The following CRMP1 variants were observed in gnomAD, a reference collection of about 807,000 sequenced individuals.
CRMP1 encodes the protein dihydropyrimidinase-related protein 1.
CRMP1 carries 19 observed loss-of-function variants against 68.3 expected under a neutral mutation model. The observed-to-expected ratio is 0.28, with a 90% CI of 0.19 to 0.41. The LOEUF is 0.41. Among genes scored for constraint, CRMP1 ranks in the 10% least tolerant of loss-of-function variants. CRMP1 has a pLI of 1.00. For missense variants in CRMP1, 791 were observed against 967.4 expected, an observed-to-expected ratio of 0.82 and a Z score of 2.42; for synonymous variants, 439 against 399.6, an observed-to-expected ratio of 1.10 and a Z score of -1.18.
At position 5,842,987 on chromosome 4, in the gene CRMP1, C is replaced by T. The variant is rs999721781; in HGVS notation, c.1032+106G>A. 9.4e-7 allele frequency: 1 copy of T among 1,061,512 alleles called. No individual in the cohort carries two copies. Among genetic ancestry groups the T allele is most frequent in the Admixed American group, 1.8e-5 (1 of 56,018 alleles). The allele number at this position is 1,061,512 out of a possible 1,614,324, so 65.8% of individuals were successfully genotyped here. On this transcript the variant is annotated intron_variant, in intron 7 of 13. Transcript: ENST00000324989. This position sits in a 1 kb window ranked among gnomAD's most constrained non-coding sequence, Gnocchi z 4.5. ...TGGTTTGGGATGGTCTGGGAGAGGA[C>T]ACGGGAAGAGGCCGGGTCCTGGCTG...
rs140408470 is a variant in CRMP1 at position 5,856,912 on chromosome 4, T to TCAC, written c.656-608_656-606dup. 5.6e-4 allele frequency among the ~76,000 whole-genome samples: 5 copies of TCAC among 8,898 alleles called. No homozygotes were observed. The Admixed American group carries it at 6.8e-3, about 12-fold the overall frequency. 5.8% of individuals were successfully genotyped at this position (8,898 alleles called of 152,430 possible). On this transcript the variant is annotated intron_variant, in intron 3 of 13. Transcript: ENST00000324989. The stretch of plus-strand genomic sequence containing the variant: ...ACCATCATCATCATTACTAACATTA[T>TCAC]CACCACCACCACCACCATCACCACC...
chr4:5,892,847 G>GGGT lies in CRMP1; in HGVS notation c.122_123insACC (p.Gly41_Ala42insPro). On this transcript the variant is annotated inframe_insertion, in exon 1 of 14. Coordinates refer to ENST00000324989, the MANE Select transcript of CRMP1 (RefSeq NM_001014809.3). The surrounding 1 kb of genome is among the most constrained non-coding windows in gnomAD (Gnocchi z 8.6). ...AGTCGATGGTCTTGTTCTCGTAGGC[G>GGGT]CCCTCCACCGCGGCGAACATGCCGC... is the stretch of plus-strand genomic sequence containing the variant. 7.1e-7 allele frequency: 1 copy of GGGT among 1,415,780 alleles called. No individual in the cohort carries two copies. The highest frequency in any genetic ancestry group is 9.3e-7 in the Non-Finnish European group (1 of 1,073,776). The allele number at this position is 1,415,780 out of a possible 1,614,324, so 87.7% of individuals were successfully genotyped here.
Position 5,859,248 on chromosome 4 carries a change from T to G in CRMP1, c.655+1778A>C, listed in dbSNP as rs1017728322. Among the ~76,000 whole-genome samples the G allele has an allele frequency of 1.8e-4, 28 of 152,198 alleles. No homozygotes were observed. The highest frequency in any genetic ancestry group is 6.5e-4 in the African/African-American group (27 of 41,448). On this transcript the variant is annotated intron_variant, in intron 3 of 13. Coordinates refer to ENST00000324989, the MANE Select transcript of CRMP1 (RefSeq NM_001014809.3). This position sits in a 1 kb window ranked among gnomAD's most constrained non-coding sequence, Gnocchi z 5.2. ...CGGGGACCCTTTCAGAGCCCTGGACTGTTGTCCTCGTGTGCTTTCATAGGC... is the reference window on the plus strand; with the variant it reads ...CGGGGACCCTTTCAGAGCCCTGGACGGTTGTCCTCGTGTGCTTTCATAGGC...
intron 1 of CRMP1, among the ~76,000 whole-genome samples, chr4:5,880,228 AG>A (rs1050018640): frequency 1.3e-5 from 2 of 152,226 alleles, no homozygotes; most frequent in African/African-American, 4.8e-5. Context: ...TGGTGGGGGC[AG>A]GGGAGAAGCA....
chr4:5,846,776 TTTTTTTTTTTTTTTTTTTA>T (rs1712246786), intron 6 of CRMP1, among the ~76,000 whole-genome samples: 1 of 109,114 alleles, frequency 9.2e-6, no homozygotes. Context: ...TTTTTTTTTT[TTTTTTTTTTTTTTTTTTTA>T]GTAGAGGCAG....
At chr4:5,863,898 A>T (rs900027222) in intron 2 of CRMP1, among the ~76,000 whole-genome samples, 3 of 152,140 alleles carry the variant, frequency 2.0e-5, no homozygotes, top group Non-Finnish European at 4.4e-5. Context: ...CAGAATAAAC[A>T]CCCAAGGGCC....
Position 5,879,204 on chromosome 4 carries a change from C to T in CRMP1, c.382-12448G>A, listed in dbSNP as rs1257443052. On this transcript the variant is annotated intron_variant, in intron 1 of 13. Transcript: ENST00000324989. This position sits in a 1 kb window ranked among gnomAD's most constrained non-coding sequence, Gnocchi z 4.2. ...CCACCACATCTATCTACGCACACCACGCTCTGCCTCCCTAACTGCACCTTC... is the reference window on the plus strand; with the variant it reads ...CCACCACATCTATCTACGCACACCATGCTCTGCCTCCCTAACTGCACCTTC... Among the ~76,000 whole-genome samples the T allele has an allele frequency of 2.6e-5, 4 of 152,242 alleles. No individual in the cohort carries two copies. The highest frequency in any genetic ancestry group is 2.1e-4 in the South Asian group (1 of 4,830).
At chr4:5,857,056 C>A (rs1489946166) in intron 3 of CRMP1, among the ~76,000 whole-genome samples, 1 of 128,296 alleles carries the variant, frequency 7.8e-6, no homozygotes, top group Admixed American at 8.1e-5. Flanking sequence ...TCACCACTAT[C>A]ATTATCACCC....
At chr4:5,885,999 G>T (rs937830439) in intron 1 of CRMP1, among the ~76,000 whole-genome samples, 1 of 152,182 alleles carries the variant, frequency 6.6e-6, no homozygotes, top group Non-Finnish European at 1.5e-5. Context: ...GTCACAACAC[G>T]TGTATGTGTG....
chr4:5,863,767 G>C (rs1713767878), intron 2 of CRMP1, among the ~76,000 whole-genome samples: 1 of 152,154 alleles, frequency 6.6e-6, no homozygotes, highest in African/African-American at 2.4e-5. Context: ...TTGGCAAATG[G>C]CCACAGAATT....
intron 12 of CRMP1, among the ~76,000 whole-genome samples, chr4:5,827,163 G>T (rs953783434): frequency 6.6e-6 from 1 of 152,210 alleles, no homozygotes; most frequent in Non-Finnish European, 1.5e-5. Flanking sequence ...GGCATTTGGG[G>T]TCAGATATCT....
intron 13 of CRMP1, chr4:5,824,415 C>G: frequency 1.0e-6 from 1 of 985,382 alleles, no homozygotes; most frequent in Non-Finnish European, 1.2e-6. Flanking sequence ...TCGGCATAAT[C>G]ACTGAATCAG....
Position 5,888,719 on chromosome 4 carries a change from T to G in CRMP1, c.381+3870A>C. 1 of 738,854 alleles carries G rather than the reference T, an allele frequency of 1.4e-6. No individual in the cohort carries two copies. Among genetic ancestry groups the G allele is most frequent in the Non-Finnish European group, 1.6e-6 (1 of 606,912 alleles). 45.8% of individuals were successfully genotyped at this position (738,854 alleles called of 1,614,324 possible). A position where few individuals can be genotyped will look rare whatever the true frequency, so the allele number is the denominator to read the frequency against. On this transcript the variant is annotated intron_variant, in intron 1 of 13. Transcript: ENST00000324989. This position sits in a 1 kb window ranked among gnomAD's most constrained non-coding sequence, Gnocchi z 6.4. ...CCTCGCTCTCGCGATCCAGAGAGTA[T>G]GGTTTTCAGGGCTCCTTTAAAAGAA...
At chr4:5,874,997 G>A (rs1238613282) in intron 1 of CRMP1, among the ~76,000 whole-genome samples, 1 of 152,184 alleles carries the variant, frequency 6.6e-6, no homozygotes, top group Non-Finnish European at 1.5e-5. Flanking sequence ...TGAGTCAGAG[G>A]AGCAGCCAGG....
intron 1 of CRMP1, among the ~76,000 whole-genome samples, chr4:5,874,561 GA>G (rs1048082610): frequency 1.6e-4 from 24 of 152,074 alleles, no homozygotes; most frequent in African/African-American, 5.3e-4. Flanking sequence ...ATATCCTCAG[GA>G]ACCAGCCAGG....
intron 1 of CRMP1, among the ~76,000 whole-genome samples, chr4:5,868,848 T>C (rs184286045): frequency 1.3e-5 from 2 of 152,328 alleles, no homozygotes; most frequent in East Asian, 3.9e-4. Flanking sequence ...TTACAGCCCT[T>C]GATAAAGATG....
Position 5,866,237 on chromosome 4 carries a change from C to G in CRMP1, c.470+431G>C, listed in dbSNP as rs747865757. Among the ~76,000 whole-genome samples, 1 of 152,196 alleles carries G rather than the reference C, an allele frequency of 6.6e-6. No homozygotes were observed. Among genetic ancestry groups the G allele is most frequent in the Non-Finnish European group, 1.5e-5 (1 of 68,042 alleles). On this transcript the variant is annotated intron_variant, in intron 2 of 13. Transcript: ENST00000324989. This position sits in a 1 kb window ranked among gnomAD's most constrained non-coding sequence, Gnocchi z 5.9. ...ATTCCTCCTTCCTCTCTGCTCTCCT[C>G]AACCCAATTCCAGAAACTGTGGGTA...
In CRMP1 at chr4:5,850,830, G is replaced by A. The variant is rs1394915072; in HGVS notation, c.882+578C>T. On this transcript the variant is annotated intron_variant, in intron 5 of 13. Coordinates refer to ENST00000324989, the MANE Select transcript of CRMP1 (RefSeq NM_001014809.3). The surrounding 1 kb of genome is among the most constrained non-coding windows in gnomAD (Gnocchi z 4.4). ...TATAAGAAGGCCAGGTGTCCTGTAA[G>A]TCGTAACCACTCCTCCTGAAGAACA... 1.3e-5 allele frequency among the ~76,000 whole-genome samples: 2 copies of A among 152,332 alleles called. No homozygotes were observed. Among genetic ancestry groups the A allele is most frequent in the East Asian group, 1.9e-4 (1 of 5,176 alleles).
chr4:5,822,485 G>A lies in CRMP1; in HGVS notation c.1970-634C>T, dbSNP rs550307467. 1.0e-3 allele frequency among the ~76,000 whole-genome samples: 139 copies of A among 136,072 alleles called. 1 individual carries two copies. Among genetic ancestry groups the A allele is most frequent in the African/African-American group, 4.5e-3 (132 of 29,284 alleles). 89.3% of individuals were successfully genotyped at this position (136,072 alleles called of 152,430 possible). A position where few individuals can be genotyped will look rare whatever the true frequency, so the allele number is the denominator to read the frequency against. ...TTTACTTCCCTCATTGGCGATAGGT[G>A]GATCTGAAGGGGGGGGGGGTGGTGT... On this transcript the variant is annotated intron_variant, in intron 13 of 13. Transcript: ENST00000324989.
Sources: allele counts gnomAD v4.1 joint callset (sites outside exome capture counted in the v4.1 genomes callset), GRCh38; gene constraint gnomAD v4.1.1; non-coding constraint Gnocchi (gnomAD v3.1); transcripts MANE v1.5; gene names NCBI Gene and HGNC (gene_info 2026-07-23, HGNC 2026-07-21).